The following ATXN1 variants were observed in gnomAD, a reference collection of about 807,000 sequenced individuals.
The protein encoded by ATXN1 is ataxin-1.
A neutral mutation model predicts 56.4 loss-of-function variants in ATXN1; 8 were observed. The observed-to-expected ratio is 0.14, with a 90% CI of 0.08 to 0.26. The LOEUF is 0.26. ATXN1 is among the 10% of genes least tolerant of loss of function. The probability of loss-of-function intolerance (pLI) is 1.00; values close to 1 mark genes in which losing one functional copy is unlikely to be tolerated. For missense variants in ATXN1, 987 were observed against 1,106.5 expected (o/e 0.89, Z 1.53); for synonymous variants, 514 against 494.6 (o/e 1.04, Z -0.52).
intron 2 of ATXN1, among the ~76,000 whole-genome samples, chr6:16,747,602 T>C (rs1760576688): frequency 6.6e-6 from 1 of 151,804 alleles, no homozygotes; most frequent in Non-Finnish European, 1.5e-5. Flanking sequence ...TAGTAAATCT[T>C]GCATCCTCTT....
chr6:16,652,905 GA>G (rs2113350708), intron 3 of ATXN1: 1 of 152,300 alleles, frequency 6.6e-6, no homozygotes, highest in Non-Finnish European at 1.5e-5. Context: ...AGACCTGGGA[GA>G]AGATACTTCT....
chr6:16,559,981 C>T (rs1465756248), intron 4 of ATXN1, among the ~76,000 whole-genome samples: 2 of 152,180 alleles, frequency 1.3e-5, no homozygotes, highest in East Asian at 3.8e-4. Flanking sequence ...CTCCCCACCC[C>T]ACCATCACAG....
intron 4 of ATXN1, among the ~76,000 whole-genome samples, chr6:16,538,076 C>T (rs1761639618): frequency 6.6e-6 from 1 of 152,310 alleles, no homozygotes; most frequent in Non-Finnish European, 1.5e-5. Flanking sequence ...GATGAAACCC[C>T]TTGTAATAAT....
At chr6:16,611,108 G>C (rs1763098487) in intron 3 of ATXN1, among the ~76,000 whole-genome samples, 1 of 152,114 alleles carries the variant, frequency 6.6e-6, no homozygotes, top group Non-Finnish European at 1.5e-5. Flanking sequence ...CACAGATATA[G>C]ATAATCCTTA....
intron 6 of ATXN1, among the ~76,000 whole-genome samples, chr6:16,391,952 G>A (rs1410562063): frequency 3.3e-5 from 5 of 152,158 alleles, no homozygotes; most frequent in African/African-American, 1.2e-4. Context: ...GTAGGTTTCT[G>A]GAGCAAAAAT....
chr6:16,511,543 C>T (rs1761081712), intron 5 of ATXN1, among the ~76,000 whole-genome samples: 1 of 152,156 alleles, frequency 6.6e-6, no homozygotes, highest in Non-Finnish European at 1.5e-5. Flanking sequence ...CAGAAGTCCA[C>T]AACCTTCTGA....
rs565185944 is a variant in ATXN1 at position 16,381,851 on chromosome 6, G to A, written c.-160-53381C>T. On this transcript the variant is annotated intron_variant, in intron 6 of 7. Transcript: ENST00000436367. ...TCTCCTGCTCCTTGAGAAGTCCCCA[G>A]TGGTCAGTCATGGAGAGTTATTATT... Among the ~76,000 whole-genome samples the A allele has an allele frequency of 2.6e-4, 39 of 152,290 alleles. No individual in the cohort carries two copies. The South Asian group carries it at 7.2e-3, about 28-fold the overall frequency.
At chr6:16,545,072 C>T (rs1213238233) in intron 4 of ATXN1, among the ~76,000 whole-genome samples, 1 of 152,142 alleles carries the variant, frequency 6.6e-6, no homozygotes, top group Non-Finnish European at 1.5e-5. Flanking sequence ...ATGGCAAATA[C>T]GCATTCCATG....
chr6:16,391,485 T>G (rs1561877970), intron 6 of ATXN1, among the ~76,000 whole-genome samples: 2 of 152,216 alleles, frequency 1.3e-5, no homozygotes, highest in Non-Finnish European at 2.9e-5. Context: ...CCCCAAGGGA[T>G]TCTGATCAGT....
At chr6:16,490,762 T>G (rs1329307823) in intron 5 of ATXN1, among the ~76,000 whole-genome samples, 1 of 152,188 alleles carries the variant, frequency 6.6e-6, no homozygotes, top group Non-Finnish European at 1.5e-5. Context: ...GCCTGGAAGA[T>G]GGACATATGA....
rs376236279 is a variant in ATXN1 at position 16,385,582 on chromosome 6, G to A, written c.-160-57112C>T. The stretch of plus-strand genomic sequence containing the variant: ...GAGATATGGGAGAAATCATGGTCTA[G>A]CTCCTTTCTAACTCAGTGCCTTAAT... On this transcript the variant is annotated intron_variant, in intron 6 of 7. Coordinates refer to ENST00000436367, the MANE Select transcript of ATXN1 (RefSeq NM_001128164.2). Among the ~76,000 whole-genome samples, 34 of 152,328 alleles carry A rather than the reference G, an allele frequency of 2.2e-4. No individual in the cohort carries two copies. In the East Asian group the frequency reaches 4.2e-3, roughly 19 times the overall value.
intron 4 of ATXN1, among the ~76,000 whole-genome samples, chr6:16,569,294 G>A (rs146333073): frequency 0.024 from 3,616 of 152,184 alleles, 60 homozygotes; most frequent in East Asian, 0.093. Flanking sequence ...CAAGGTGGGC[G>A]GATCACCTGA....
intron 3 of ATXN1, among the ~76,000 whole-genome samples, chr6:16,592,022 G>A (rs1762731913): frequency 6.6e-6 from 1 of 152,046 alleles, no homozygotes; most frequent in South Asian, 2.1e-4. Flanking sequence ...GGGCCCCTGG[G>A]TGTTCTAAAG....
chr6:16,694,947 T>C (rs1759132336), intron 2 of ATXN1, among the ~76,000 whole-genome samples: 1 of 152,214 alleles, frequency 6.6e-6, no homozygotes. Flanking sequence ...GTGATTTCAC[T>C]TCCTGTCAGG....
chr6:16,724,461 A>T (rs1189460331), intron 2 of ATXN1, among the ~76,000 whole-genome samples: 2 of 152,052 alleles, frequency 1.3e-5, no homozygotes, highest in African/African-American at 4.8e-5. Flanking sequence ...CTGAGAGACG[A>T]CCTGTGCACT....
chr6:16,398,657 CA>C (rs1340508948), intron 6 of ATXN1, among the ~76,000 whole-genome samples: 1 of 152,178 alleles, frequency 6.6e-6, no homozygotes. Context: ...AGGAGTTATA[CA>C]GCAAAAAAGA....
intron 4 of ATXN1, among the ~76,000 whole-genome samples, chr6:16,575,952 C>T (rs1391942259): frequency 1.3e-5 from 2 of 152,196 alleles, no homozygotes; most frequent in Non-Finnish European, 2.9e-5. Flanking sequence ...ACACAGTTAG[C>T]AGGTACTCCA....
At chr6:16,514,774 G>C (rs1268429532) in intron 5 of ATXN1, among the ~76,000 whole-genome samples, 1 of 152,030 alleles carries the variant, frequency 6.6e-6, no homozygotes, top group Admixed American at 6.6e-5. Flanking sequence ...ACGAGGTCAA[G>C]AGATCGAGAC....
intron 4 of ATXN1, among the ~76,000 whole-genome samples, chr6:16,529,240 G>A (rs1187154759): frequency 3.4e-5 from 5 of 146,756 alleles, no homozygotes; most frequent in African/African-American, 1.3e-4. Context: ...GATAGCAAGC[G>A]AGGATATGAG....
Sources: allele counts gnomAD v4.1 joint callset (sites outside exome capture counted in the v4.1 genomes callset), GRCh38; gene constraint gnomAD v4.1.1; transcripts MANE v1.5; gene names NCBI Gene and HGNC (gene_info 2026-07-23, HGNC 2026-07-21).